Variants in GLYR1 observed in about 807,000 individuals in gnomAD.
The protein encoded by GLYR1 is glyoxylate reductase 1 homolog, also known as cytokine-like nuclear factor N-PAC.
A neutral mutation model predicts 72.7 loss-of-function variants in GLYR1; 21 were observed. That is an observed-to-expected ratio of 0.29 (90% confidence interval 0.20 to 0.42). The LOEUF (loss-of-function observed/expected upper bound fraction) is 0.42. Ranked by LOEUF, GLYR1 falls within the 10% of genes least tolerant of loss-of-function variation. The pLI, the probability that GLYR1 is intolerant of heterozygous loss-of-function variation, is 1.00. For synonymous variants in GLYR1, 392 were observed against 270.2 expected, an observed-to-expected ratio of 1.45 and a Z score of -4.42; for missense variants, 594 against 712.1, an observed-to-expected ratio of 0.83 and a Z score of 1.89.
At chr16:4,807,536 G>T (rs74003504) in intron 15 of GLYR1, among the ~76,000 whole-genome samples, 2 of 152,160 alleles carry the variant, frequency 1.3e-5, no homozygotes, top group African/African-American at 4.8e-5. Context: ...AACTACTAAA[G>T]GTCAATGCAC....
intron 5 of GLYR1, among the ~76,000 whole-genome samples, chr16:4,830,357 G>A (rs2084714244): frequency 6.6e-6 from 1 of 151,844 alleles, no homozygotes. Flanking sequence ...ACCACAACTG[G>A]CCTTCCCAGC....
chr16:4,840,684 A>G (rs1416600454), intron 3 of GLYR1, among the ~76,000 whole-genome samples: 1 of 152,136 alleles, frequency 6.6e-6, no homozygotes, highest in African/African-American at 2.4e-5. Context: ...TTCCTTCCTA[A>G]CTATGAGGTA....
At chr16:4,834,051 G>A (rs946421364) in intron 3 of GLYR1, among the ~76,000 whole-genome samples, 3 of 152,190 alleles carry the variant, frequency 2.0e-5, no homozygotes, top group African/African-American at 4.8e-5. Flanking sequence ...CTAACAGCAA[G>A]TGTTAACCTT....
At chr16:4,821,793 T>C (rs2084043408) in intron 7 of GLYR1, 196 bp from the exon 8 acceptor site, 2 of 621,494 alleles carry the variant, frequency 3.2e-6, no homozygotes, top group Admixed American at 2.7e-5. Flanking sequence ...TTCTACCAGG[T>C]CTTTTTGCTG....
At chr16:4,821,746 A>G in intron 7 of GLYR1, 149 bp from the exon 8 acceptor site, 1 of 704,970 alleles carries the variant, frequency 1.4e-6, no homozygotes, top group South Asian at 1.6e-5. Flanking sequence ...TACACTAGAA[A>G]GTTCATACAC....
At chr16:4,806,023 A>G (rs1324574815) in intron 15 of GLYR1, among the ~76,000 whole-genome samples, 3 of 152,136 alleles carry the variant, frequency 2.0e-5, no homozygotes, top group Non-Finnish European at 2.9e-5. Flanking sequence ...AAATAAATAA[A>G]TGAATAAAAA....
At chr16:4,815,861 A>G (rs2083604359) in intron 10 of GLYR1, among the ~76,000 whole-genome samples, 1 of 151,954 alleles carries the variant, frequency 6.6e-6, no homozygotes, top group East Asian at 1.9e-4. Flanking sequence ...AGCTCACTGC[A>G]AGCTCTGCCT....
intron 3 of GLYR1, chr16:4,843,617 C>T (rs772854770): frequency 2.1e-4 from 266 of 1,288,918 alleles, no homozygotes; most frequent in Non-Finnish European, 2.6e-4. Flanking sequence ...AAACATGAAA[C>T]CAGGAAGAGC....
intron 2 of GLYR1, 135 bp downstream of exon 2, chr16:4,846,039 G>A: frequency 2.2e-6 from 2 of 889,982 alleles, no homozygotes; most frequent in Non-Finnish European, 3.8e-6. Flanking sequence ...CCGATACTAG[G>A]GGAAAAAAAA....
intron 10 of GLYR1, among the ~76,000 whole-genome samples, chr16:4,817,263 G>C (rs981480059): frequency 6.6e-6 from 1 of 151,736 alleles, no homozygotes; most frequent in East Asian, 2.0e-4. Flanking sequence ...GGGACTACAG[G>C]TGCCCGCCAC....
chr16:4,825,441 C>T (rs930111376), intron 5 of GLYR1, among the ~76,000 whole-genome samples: 19 of 152,194 alleles, frequency 1.2e-4, no homozygotes, highest in African/African-American at 3.9e-4. Context: ...GGCTCAGGCT[C>T]GCTTTGGGAC....
At chr16:4,810,961 T>G (rs1160658513) in intron 15 of GLYR1, among the ~76,000 whole-genome samples, 1 of 151,676 alleles carries the variant, frequency 6.6e-6, no homozygotes, top group Non-Finnish European at 1.5e-5. Flanking sequence ...AAAAATTAGC[T>G]AGGCATGGTG....
chr16:4,810,708 A>G (rs1463035899), intron 15 of GLYR1, among the ~76,000 whole-genome samples: 13 of 118,446 alleles, frequency 1.1e-4, no homozygotes, highest in African/African-American at 3.6e-4. Context: ...CTAAAAAAAA[A>G]AAAAAAAAAA....
At chr16:4,814,885 C>G (rs1219806593) in intron 10 of GLYR1, among the ~76,000 whole-genome samples, 1 of 152,134 alleles carries the variant, frequency 6.6e-6, no homozygotes, top group Admixed American at 6.5e-5. Flanking sequence ...TCACAAGTGT[C>G]TGCTGAAGGT....
intron 6 of GLYR1, 76 bp downstream of exon 6, chr16:4,823,742 CAAA>C (rs34966439): frequency 0.1 from 76,156 of 762,284 alleles, 1,035 homozygotes; most frequent in African/African-American, 0.19. Flanking sequence ...AAGAAAGGGA[CAAA>C]AAAAAAAAAA....
intron 15 of GLYR1, among the ~76,000 whole-genome samples, chr16:4,807,615 G>A (rs935727516): frequency 6.6e-6 from 1 of 152,062 alleles, no homozygotes; most frequent in Non-Finnish European, 1.5e-5. Context: ...CCATCCAAAC[G>A]ACCTGAAAGC....
intron 15 of GLYR1, among the ~76,000 whole-genome samples, chr16:4,806,109 C>T (rs2082951335): frequency 6.6e-6 from 1 of 152,194 alleles, no homozygotes; most frequent in African/African-American, 2.4e-5. Flanking sequence ...GGTGCTTCTG[C>T]CCCCAGGGGA....
rs191788299 is a variant in GLYR1 at position 4,820,923 on chromosome 16, C to T, written c.806+457G>A. Among the ~76,000 whole-genome samples, 724 of 152,348 alleles carry T rather than the reference C, an allele frequency of 4.8e-3. 8 individuals are homozygous for T. The highest frequency in any genetic ancestry group is 0.016 in the African/African-American group (680 of 41,584). ...CCCCAAGCACTTTCATCTCCCTTCC[C>T]CCACCTGCCCCACCATGGCCAATTT... On this transcript the variant is annotated intron_variant, in intron 9 of 15. Transcript: ENST00000321919.
intron 10 of GLYR1, among the ~76,000 whole-genome samples, chr16:4,815,681 T>C (rs913623409): frequency 1.3e-5 from 2 of 152,220 alleles, no homozygotes; most frequent in African/African-American, 4.8e-5. Flanking sequence ...GCTCTCCTAT[T>C]ATGCCAGTAC....
Sources: gnomAD v4.1 joint callset for allele counts (sites outside exome capture counted in the v4.1 genomes callset) on GRCh38, gnomAD v4.1.1 for gene constraint, MANE v1.5 for transcripts, NCBI Gene and HGNC (gene_info 2026-07-23, HGNC 2026-07-21) for gene names.